FAF1: variants seen among roughly 807,000 people sequenced by gnomAD.
FAF1 encodes FAS-associated factor 1.
In FAF1, 25 loss-of-function variants were observed where a neutral mutation model predicts 92.5. The ratio of observed to expected loss-of-function variants is 0.27; its 90% confidence interval spans 0.20 to 0.38. The LOEUF is 0.38. FAF1 is among the 10% of genes least tolerant of loss of function. The pLI, the probability that FAF1 is intolerant of heterozygous loss-of-function variation, is 1.00. For synonymous variants in FAF1, 234 were observed against 273.2 expected, an observed-to-expected ratio of 0.86 and a Z score of 1.42; for missense variants, 636 against 793.3, an observed-to-expected ratio of 0.80 and a Z score of 2.38.
chr1:50,772,150 G>C (rs961665442), intron 4 of FAF1, among the ~76,000 whole-genome samples: 1 of 151,956 alleles, frequency 6.6e-6, no homozygotes, highest in Non-Finnish European at 1.5e-5. Context: ...TACCATAAAA[G>C]TCCTTAGTAA....
chr1:50,580,689 C>A (rs1024647528), intron 12 of FAF1, among the ~76,000 whole-genome samples: 1 of 152,100 alleles, frequency 6.6e-6, no homozygotes, highest in African/African-American at 2.4e-5. Flanking sequence ...TATATATGGT[C>A]AACTAAACAT....
intron 8 of FAF1, among the ~76,000 whole-genome samples, chr1:50,646,901 A>G (rs1481297302): frequency 1.3e-5 from 2 of 152,232 alleles, no homozygotes; most frequent in Admixed American, 1.3e-4. Context: ...GCTGGAGTAC[A>G]GTGGCATGCT....
intron 8 of FAF1, among the ~76,000 whole-genome samples, chr1:50,623,246 A>T (rs957084353): frequency 6.6e-6 from 1 of 152,102 alleles, no homozygotes; most frequent in Non-Finnish European, 1.5e-5. Flanking sequence ...TTCCATTTTG[A>T]GTGTAGTTTG....
chr1:50,937,729 C>T (rs756372019), intron 1 of FAF1, among the ~76,000 whole-genome samples: 1 of 152,136 alleles, frequency 6.6e-6, no homozygotes, highest in Non-Finnish European at 1.5e-5. Context: ...TGTTATTCTG[C>T]ACTACAATTA....
chr1:50,840,203 A>G (rs963386648), intron 2 of FAF1, among the ~76,000 whole-genome samples: 3 of 152,084 alleles, frequency 2.0e-5, no homozygotes, highest in Non-Finnish European at 2.9e-5. Flanking sequence ...GGTTAAGGAA[A>G]GGATTTCCCA....
chr1:50,536,719 C>T (rs1278637), intron 14 of FAF1, among the ~76,000 whole-genome samples: 151,014 of 152,304 alleles, frequency 0.99, 74,883 homozygotes, highest in East Asian at 1. Flanking sequence ...CCATTACTTA[C>T]AAGCTATATA....
chr1:50,846,624 C>T (rs527320637), intron 2 of FAF1: 29 of 530,460 alleles, frequency 5.5e-5, no homozygotes, highest in African/African-American at 3.6e-4. Flanking sequence ...AAGATCTCCA[C>T]CCACAATCAG....
chr1:50,575,607 T>G (rs1650692266), intron 12 of FAF1, among the ~76,000 whole-genome samples: 1 of 152,232 alleles, frequency 6.6e-6, no homozygotes, highest in African/African-American at 2.4e-5. Flanking sequence ...CAAATATATT[T>G]TTCTAAAAAA....
rs1558004613 is a variant in FAF1, at chr1:50,584,617, T to G, written c.967+68A>C. On this transcript the variant is annotated intron_variant, in intron 10 of 18. Coordinates refer to ENST00000396153, the MANE Select transcript of FAF1 (RefSeq NM_007051.3). The stretch of plus-strand genomic sequence containing the variant: ...CAGTAAGAGATGTTTAAGTTTAATG[T>G]TCTTCATAAGTTTGTGTACTAGAAG... The G allele has an allele frequency of 1.4e-5, 21 of 1,495,240 alleles. No individual in the cohort carries two copies. In the South Asian group the frequency reaches 2.4e-4, roughly 17 times the overall value. 92.6% of individuals were successfully genotyped at this position (1,495,240 alleles called of 1,614,324 possible). A position where few individuals can be genotyped will look rare whatever the true frequency, so the allele number is the denominator to read the frequency against.
chr1:50,618,880 C>T (rs574410642), intron 8 of FAF1, among the ~76,000 whole-genome samples: 8 of 152,000 alleles, frequency 5.3e-5, no homozygotes, highest in African/African-American at 1.9e-4. Flanking sequence ...TCCTGGGTAG[C>T]TGGGATTACA....
At chr1:50,946,913 T>C (rs1645176220) in intron 1 of FAF1, among the ~76,000 whole-genome samples, 1 of 152,222 alleles carries the variant, frequency 6.6e-6, no homozygotes, top group Non-Finnish European at 1.5e-5. Flanking sequence ...ACATTATCTC[T>C]ATCTTTCAAG....
chr1:50,662,846 A>G lies in FAF1; in HGVS notation c.658-7318T>C, dbSNP rs1239777259. Among the ~76,000 whole-genome samples the G allele has an allele frequency of 7.4e-5, 11 of 148,392 alleles. 1 individual carries two copies. Among genetic ancestry groups the G allele is most frequent in the African/African-American group, 2.4e-4 (9 of 38,086 alleles). On this transcript the variant is annotated intron_variant, in intron 7 of 18. Transcript: ENST00000396153. ...CTCCCGAGTAGCTGGGACTGCAGGC[A>G]CCCACTAGCGCGCCCGGCTAATTTT...
intron 8 of FAF1, among the ~76,000 whole-genome samples, chr1:50,652,135 T>C (rs528430953): frequency 6.6e-6 from 1 of 152,192 alleles, no homozygotes; most frequent in Admixed American, 6.5e-5. Context: ...ATGGCAATAA[T>C]GAGGCTAAAA....
At chr1:50,813,164 C>CA (rs758765063) in intron 2 of FAF1, among the ~76,000 whole-genome samples, 2 of 151,742 alleles carry the variant, frequency 1.3e-5, no homozygotes, top group African/African-American at 2.4e-5. Flanking sequence ...CTCTGTGACA[C>CA]ACAATTTTCC....
intron 15 of FAF1, among the ~76,000 whole-genome samples, chr1:50,505,352 G>A (rs180845588): frequency 3.3e-5 from 5 of 152,226 alleles, no homozygotes; most frequent in Non-Finnish European, 7.4e-5. Context: ...GAGAGAGACA[G>A]CCAAACACCT....
chr1:50,585,146 CAAAGT>C (rs976596541), intron 9 of FAF1, among the ~76,000 whole-genome samples: 1 of 152,148 alleles, frequency 6.6e-6, no homozygotes, highest in Non-Finnish European at 1.5e-5. Context: ...AAGTCAGAGA[CAAAGT>C]AAGTTATGCG....
intron 15 of FAF1, among the ~76,000 whole-genome samples, chr1:50,508,814 G>A (rs184788623): frequency 7.3e-4 from 111 of 152,286 alleles, no homozygotes; most frequent in Non-Finnish European, 1.5e-3. Context: ...TGATTCTCTT[G>A]CCTCAGCTCC....
At chr1:50,660,155 A>C (rs964514869) in intron 7 of FAF1, among the ~76,000 whole-genome samples, 1 of 152,162 alleles carries the variant, frequency 6.6e-6, no homozygotes, top group Non-Finnish European at 1.5e-5. Context: ...GATTCATTTA[A>C]ATTTTCAAAC....
chr1:50,484,620 A>G (rs562078564), intron 17 of FAF1, among the ~76,000 whole-genome samples: 1 of 152,192 alleles, frequency 6.6e-6, no homozygotes, highest in Admixed American at 6.5e-5. Context: ...GATGACAGGG[A>G]TGATTATAAT....
Sources: gnomAD v4.1 joint callset for allele counts (sites outside exome capture counted in the v4.1 genomes callset) on GRCh38, gnomAD v4.1.1 for gene constraint, MANE v1.5 for transcripts, NCBI Gene and HGNC (gene_info 2026-07-23, HGNC 2026-07-21) for gene names.